The following COL24A1 variants were observed in gnomAD, a reference collection of about 807,000 sequenced individuals.
The protein encoded by COL24A1 is collagen alpha-1(XXIV) chain.
In COL24A1, 224 loss-of-function variants were observed where a neutral mutation model predicts 253.9. That is an observed-to-expected ratio of 0.88 (90% CI 0.79 to 0.99). The LOEUF (loss-of-function observed/expected upper bound fraction) is 0.99. Among genes scored for constraint, COL24A1 ranks in the 50% least tolerant of loss-of-function variants. COL24A1 has a pLI of 0.00. For missense variants in COL24A1, 2,131 were observed against 2,068.5 expected, an observed-to-expected ratio of 1.03 and a Z score of -0.59; for synonymous variants, 685 against 673.7, an observed-to-expected ratio of 1.02 and a Z score of -0.26.
At chr1:85,743,662 A>T (rs1444274034) in intron 57 of COL24A1, among the ~76,000 whole-genome samples, 1 of 152,162 alleles carries the variant, frequency 6.6e-6, no homozygotes, top group Non-Finnish European at 1.5e-5. Flanking sequence ...GTCTTACAAG[A>T]TCTTTGTTCC....
At chr1:85,988,871 G>A (rs982130004) in intron 19 of COL24A1, among the ~76,000 whole-genome samples, 5 of 152,190 alleles carry the variant, frequency 3.3e-5, no homozygotes, top group Non-Finnish European at 2.9e-5. Flanking sequence ...AATATAATTT[G>A]GGGACATTTC....
At chr1:85,855,647 A>C (rs1192964750) in intron 37 of COL24A1, among the ~76,000 whole-genome samples, 6 of 152,290 alleles carry the variant, frequency 3.9e-5, no homozygotes, top group Admixed American at 3.3e-4. Flanking sequence ...ATCTATGTTC[A>C]ACAGGGATAT....
chr1:86,017,308 A>G, intron 18 of COL24A1, 104 bp from the exon 19 acceptor site: 1 of 1,001,862 alleles, frequency 1.0e-6, no homozygotes, highest in Non-Finnish European at 1.4e-6. Context: ...TCATTATATT[A>G]TCATGTCAAA....
In COL24A1 at chr1:86,125,670, T is replaced by C. The variant is rs1305962951; in HGVS notation, c.666A>G (p.Leu222=). The C allele has an allele frequency of 1.2e-6, 2 of 1,611,754 alleles. No individual in the cohort carries two copies. Among genetic ancestry groups the C allele is most frequent in the African/African-American group, 1.3e-5 (1 of 74,942 alleles). ...SIHFEGIVCQ[L]DIIPSAEASA... ...ATGCTTCTGCAGAAGGAATAATATC[T>C]AACTGACATACTATTCCTTCAAAAT... is the stretch of plus-strand genomic sequence containing the variant. Residue 222 remains leucine, a synonymous_variant, in exon 3 of 60, where the codon TTA becomes TTG. Coordinates refer to ENST00000370571, the MANE Select transcript of COL24A1 (RefSeq NM_152890.7).
At chr1:85,941,621 AC>A (rs1688764525) in intron 24 of COL24A1, among the ~76,000 whole-genome samples, 1 of 67,214 alleles carries the variant, frequency 1.5e-5, no homozygotes, top group Non-Finnish European at 3.1e-5. Flanking sequence ...CGAGACATGT[AC>A]TTTTTTTTAA....
At chr1:85,758,095 G>C (rs939609517) in intron 55 of COL24A1, among the ~76,000 whole-genome samples, 1 of 152,064 alleles carries the variant, frequency 6.6e-6, no homozygotes, top group African/African-American at 2.4e-5. Context: ...CAAATCATTC[G>C]AGTGAAGAGC....
intron 20 of COL24A1, among the ~76,000 whole-genome samples, chr1:85,983,234 GA>G (rs1693417923): frequency 6.6e-6 from 1 of 151,894 alleles, no homozygotes; most frequent in African/African-American, 2.4e-5. Context: ...GGAGAATAGA[GA>G]ATATTTATTT....
chr1:86,051,568 G>A (rs973916658), intron 10 of COL24A1, among the ~76,000 whole-genome samples: 2 of 152,048 alleles, frequency 1.3e-5, no homozygotes, highest in African/African-American at 4.8e-5. Flanking sequence ...TGGGCAAGAG[G>A]TGAGTTTGGA....
intron 31 of COL24A1, among the ~76,000 whole-genome samples, chr1:85,892,868 G>A (rs1013801369): frequency 6.6e-6 from 1 of 151,736 alleles, no homozygotes; most frequent in Non-Finnish European, 1.5e-5. Flanking sequence ...AAGAAATAGA[G>A]CTAAAAATCC....
chr1:85,881,993 C>T (rs1681902346), intron 32 of COL24A1, among the ~76,000 whole-genome samples: 2 of 152,196 alleles, frequency 1.3e-5, no homozygotes, highest in Admixed American at 1.3e-4. Flanking sequence ...CCTCTAGGCA[C>T]TGCATCCCAC....
chr1:85,918,932 G>C (rs931700905), intron 24 of COL24A1, among the ~76,000 whole-genome samples: 8 of 152,158 alleles, frequency 5.3e-5, no homozygotes, highest in Non-Finnish European at 1.0e-4. Flanking sequence ...GTCAGACTTG[G>C]CCATATAATT....
intron 8 of COL24A1, among the ~76,000 whole-genome samples, chr1:86,061,925 CAGTT>C (rs1249028349): frequency 6.6e-6 from 1 of 152,030 alleles, no homozygotes; most frequent in Non-Finnish European, 1.5e-5. Context: ...CATTCTGAGT[CAGTT>C]AGACTTCATT....
At chr1:85,798,828 G>A (rs1423436630) in intron 47 of COL24A1, among the ~76,000 whole-genome samples, 4 of 152,078 alleles carry the variant, frequency 2.6e-5, no homozygotes, top group African/African-American at 7.2e-5. Flanking sequence ...TAGTCAAGTC[G>A]TTAGTTTTAT....
At chr1:85,936,188 T>A (rs1272859594) in intron 24 of COL24A1, among the ~76,000 whole-genome samples, 1 of 147,460 alleles carries the variant, frequency 6.8e-6, no homozygotes, top group Non-Finnish European at 1.5e-5. Context: ...CTCTGATACT[T>A]GTGAAAACAG....
At chr1:85,763,078 C>G (rs1292569212) in intron 53 of COL24A1, among the ~76,000 whole-genome samples, 1 of 152,114 alleles carries the variant, frequency 6.6e-6, no homozygotes, top group Admixed American at 6.6e-5. Context: ...ATTACTCTAG[C>G]TAATACACCA....
chr1:85,961,974 T>G (rs1369477981), intron 23 of COL24A1, among the ~76,000 whole-genome samples: 1 of 152,198 alleles, frequency 6.6e-6, no homozygotes, highest in East Asian at 1.9e-4. Context: ...GGTAATAATC[T>G]ATTTTCTTAA....
chr1:86,006,853 C>T (rs1427550783), intron 19 of COL24A1, among the ~76,000 whole-genome samples: 2 of 151,928 alleles, frequency 1.3e-5, no homozygotes, highest in Non-Finnish European at 2.9e-5. Context: ...GGAAGATATA[C>T]AGATGGTAAA....
chr1:86,099,201 G>T (rs965798744), intron 5 of COL24A1, among the ~76,000 whole-genome samples: 2 of 152,044 alleles, frequency 1.3e-5, no homozygotes, highest in Admixed American at 6.6e-5. Flanking sequence ...ATATATTTCC[G>T]AGTGATAATG....
chr1:85,869,547 A>G (rs1387601650), intron 35 of COL24A1, among the ~76,000 whole-genome samples: 1 of 152,204 alleles, frequency 6.6e-6, no homozygotes, highest in African/African-American at 2.4e-5. Flanking sequence ...AACATTCAAC[A>G]TTCCTAAAGA....
Sources: gnomAD v4.1 joint callset for allele counts (sites outside exome capture counted in the v4.1 genomes callset) on GRCh38, gnomAD v4.1.1 for gene constraint, MANE v1.5 for transcripts, NCBI Gene and HGNC (gene_info 2026-07-23, HGNC 2026-07-21) for gene names.